Variants in DNMT3A observed in about 807,000 individuals in gnomAD.
DNMT3A encodes DNA methyltransferase 3 alpha, also known as DNA (cytosine-5)-methyltransferase 3A.
In DNMT3A, 267 loss-of-function variants were observed where a neutral mutation model predicts 117.6. The observed-to-expected ratio is 2.27, with a 90% CI of 2.05 to 2.51. The LOEUF (loss-of-function observed/expected upper bound fraction) is 2.51, where lower values mean the gene tolerates loss of function less well. DNMT3A is among the 30% of genes most tolerant of loss of function. The pLI is 0.00. For synonymous variants in DNMT3A, 432 were observed against 474.8 expected, an observed-to-expected ratio of 0.91 and a Z score of 1.17; for missense variants, 1,029 against 1,260.2, an observed-to-expected ratio of 0.82 and a Z score of 2.78.
At position 25,240,694 on chromosome 2, in the gene DNMT3A, C is replaced by A. The variant is rs1673915201; in HGVS notation, c.2119G>T (p.Gly707Cys). 1 of 1,614,176 alleles carries A rather than the reference C, an allele frequency of 6.2e-7. No homozygotes were observed. Among genetic ancestry groups the A allele is most frequent in the Non-Finnish European group, 8.5e-7 (1 of 1,180,014 alleles). The stretch of plus-strand genomic sequence containing the variant: ...ATGGAGAGGTCATTGCAGGGACTGC[C>A]CCCAATCACCAGATCGAATGGGCCC... ...EWGPFDLVIG[G>C]SPCNDLSIVN... Residue 707 changes from glycine (G) to cysteine (C), a missense_variant, in exon 18 of 23, where the codon GGC (glycine) becomes TGC (cysteine). Gly to Cys is a radical substitution (Grantham distance 159). Transcript: ENST00000321117.
Position 25,339,111 on chromosome 2 carries a change from C to G in DNMT3A, c.-178+2715G>C, listed in dbSNP as rs558212992. Among the ~76,000 whole-genome samples, 10 of 152,182 alleles carry G rather than the reference C, an allele frequency of 6.6e-5. No individual in the cohort carries two copies. The East Asian group carries it at 1.9e-3, about 29-fold the overall frequency. ...CTGGGCGCCCTGATCTCTCTCATATCTCCTTCTCCTTGGAAGCCTTCCCCT... is the reference window on the plus strand; with the variant it reads ...CTGGGCGCCCTGATCTCTCTCATATGTCCTTCTCCTTGGAAGCCTTCCCCT... On this transcript the variant is annotated intron_variant, in intron 1 of 22. Transcript: ENST00000321117. This position sits in a 1 kb window ranked among gnomAD's most constrained non-coding sequence, Gnocchi z 4.9.
rs1235529665 is a variant in DNMT3A at position 25,237,657 on chromosome 2, CG to C, written c.2409-653del. Among the ~76,000 whole-genome samples, 1 of 151,664 alleles carries C rather than the reference CG, an allele frequency of 6.6e-6. No homozygotes were observed. The highest frequency in any genetic ancestry group is 1.5e-5 in the Non-Finnish European group (1 of 67,940). On this transcript the variant is annotated intron_variant, in intron 20 of 22. Coordinates refer to ENST00000321117, the MANE Select transcript of DNMT3A (RefSeq NM_022552.5). This position sits in a 1 kb window ranked among gnomAD's most constrained non-coding sequence, Gnocchi z 5.4. ...GCAGGTGCCTGTAATCCCAGCTACT[CG>C]GGAGGCTGAGGCAGGAGAATCGCTT...
intron 6 of DNMT3A, among the ~76,000 whole-genome samples, chr2:25,255,257 G>C (rs1379251008): frequency 6.6e-6 from 1 of 152,202 alleles, no homozygotes; most frequent in African/African-American, 2.4e-5. Context: ...CTAAAATGGG[G>C]CAATCTTCAA....
At position 25,257,011 on chromosome 2, in the gene DNMT3A, C is replaced by T. The variant is rs1277973625; in HGVS notation, c.640-8759G>A. The stretch of plus-strand genomic sequence containing the variant: ...CCAAGTTCCAAGTTGGGGAATGGAT[C>T]CATTTCATAGCAGGAATTCTAATCG... On this transcript the variant is annotated intron_variant, in intron 6 of 22. Coordinates refer to ENST00000321117, the MANE Select transcript of DNMT3A (RefSeq NM_022552.5). The surrounding 1 kb of genome is among the most constrained non-coding windows in gnomAD (Gnocchi z 4.8). 2.6e-5 allele frequency among the ~76,000 whole-genome samples: 4 copies of T among 152,188 alleles called. No individual in the cohort carries two copies. Among genetic ancestry groups the T allele is most frequent in the Non-Finnish European group, 5.9e-5 (4 of 68,044 alleles).
At chr2:25,271,863 G>A (rs1304039415) in intron 6 of DNMT3A, among the ~76,000 whole-genome samples, 2 of 152,232 alleles carry the variant, frequency 1.3e-5, no homozygotes, top group African/African-American at 4.8e-5. Flanking sequence ...GGATGCAAAT[G>A]CCAAGGGTTG....
chr2:25,234,999 G>A lies in DNMT3A; in HGVS notation c.2598-579C>T, dbSNP rs1354379289. ...GAGAACAAGAAGGTCATCCAGCCCC[G>A]AAAGTCCCATTTGCATCAAATCAGG... On this transcript the variant is annotated intron_variant, in intron 22 of 22. Transcript: ENST00000321117. This position sits in a 1 kb window ranked among gnomAD's most constrained non-coding sequence, Gnocchi z 4.5. Among the ~76,000 whole-genome samples, 5 of 152,088 alleles carry A rather than the reference G, an allele frequency of 3.3e-5. No homozygotes were observed. The highest frequency in any genetic ancestry group is 7.2e-5 in the African/African-American group (3 of 41,398).
chr2:25,282,442 C>T lies in DNMT3A; in HGVS notation c.447G>A (p.Ala149=), dbSNP rs763553315. ...CTGCCCCTGGTGCTGAGGACTCACC[C>T]GCTTCTGCAGGGGCTCCTCGGCCCT... ...PKEGRGAPAE[A]GKEQKETNIE... Residue 149 remains alanine (A), a splice_region_variant and synonymous_variant, in exon 4 of 23, where the codon GCG becomes GCA. Transcript: ENST00000321117. The surrounding 1 kb of genome is among the most constrained non-coding windows in gnomAD (Gnocchi z 5.2). 38 of 1,612,074 alleles carry T rather than the reference C, an allele frequency of 2.4e-5. No homozygotes were observed. The highest frequency in any genetic ancestry group is 3.3e-5 in the Admixed American group (2 of 59,918).
chr2:25,275,457 C>T, intron 5 of DNMT3A, 43 bp downstream of exon 5: 1 of 1,555,970 alleles, frequency 6.4e-7, no homozygotes, highest in Non-Finnish European at 8.7e-7. Flanking sequence ...TGTCCTTCTT[C>T]TAGAATCAGG....
intron 1 of DNMT3A, among the ~76,000 whole-genome samples, chr2:25,340,459 G>A (rs2035373388): frequency 6.6e-6 from 1 of 152,102 alleles, no homozygotes; most frequent in Admixed American, 6.5e-5. Context: ...CCAGCGATGA[G>A]GGGCTGGGGG....
At chr2:25,300,672 GATATATATTTAGATATATATTTAT>G (rs1558722301) in intron 2 of DNMT3A, among the ~76,000 whole-genome samples, 51 of 23,608 alleles carry the variant, frequency 2.2e-3, no homozygotes, top group African/African-American at 7.6e-3. Flanking sequence ...ATATTATTTA[GATATATATTTAGATATATATTTAT>G]ATATCTAAAT....
chr2:25,308,883 A>T (rs996016349), intron 2 of DNMT3A, among the ~76,000 whole-genome samples: 3 of 151,898 alleles, frequency 2.0e-5, no homozygotes, highest in African/African-American at 7.2e-5. Context: ...GCCCACGAGA[A>T]ATCAGTGGCT....
chr2:25,281,578 C>CAA lies in DNMT3A; in HGVS notation c.448+862_448+863insTT, dbSNP rs2031889491. 9.4e-7 allele frequency: 1 copy of CAA among 1,063,452 alleles called. No individual in the cohort carries two copies. Among genetic ancestry groups the CAA allele is most frequent in the Non-Finnish European group, 1.1e-6 (1 of 878,146 alleles). 65.9% of individuals were successfully genotyped at this position (1,063,452 alleles called of 1,614,324 possible). A position where few individuals can be genotyped will look rare whatever the true frequency, so the allele number is the denominator to read the frequency against. On this transcript the variant is annotated intron_variant, in intron 4 of 22. Coordinates refer to ENST00000321117, the MANE Select transcript of DNMT3A (RefSeq NM_022552.5). This position sits in a 1 kb window ranked among gnomAD's most constrained non-coding sequence, Gnocchi z 4.8. The stretch of plus-strand genomic sequence containing the variant: ...TCATCATACACGCTTGGAAGGAAGA[C>CAA]TTTTTGAAATTAAAATGCACATATG...
chr2:25,262,172 G>A (rs901631117), intron 6 of DNMT3A, among the ~76,000 whole-genome samples: 2 of 130,854 alleles, frequency 1.5e-5, no homozygotes, highest in Admixed American at 1.8e-4. Context: ...CCTGGCGAGA[G>A]AGCAAGACTC....
At chr2:25,332,140 C>T (rs2035036299) in intron 1 of DNMT3A, among the ~76,000 whole-genome samples, 2 of 152,206 alleles carry the variant, frequency 1.3e-5, no homozygotes, top group South Asian at 4.1e-4. Context: ...CTCTCGTCCT[C>T]GATGCCCTAG....
chr2:25,270,288 C>T (rs935149945), intron 6 of DNMT3A, among the ~76,000 whole-genome samples: 2 of 152,190 alleles, frequency 1.3e-5, no homozygotes, highest in Non-Finnish European at 2.9e-5. Context: ...CCTGCTGATG[C>T]GTAGATGACC....
intron 1 of DNMT3A, chr2:25,314,749 C>G (rs527267166): frequency 1.0e-6 from 1 of 976,206 alleles, no homozygotes. Context: ...GCCACGGCCA[C>G]GGCCAAGGCC....
chr2:25,234,335 C>A lies in DNMT3A; in HGVS notation c.2683G>T (p.Val895Leu). 6.2e-7 allele frequency: 1 copy of A among 1,614,106 alleles called. No individual in the cohort carries two copies. The highest frequency in any genetic ancestry group is 8.5e-7 in the Non-Finnish European group (1 of 1,179,992). The change falls in exon 23 of 23, where the codon GTG becomes TTG. Residue 895 changes from valine to leucine, a missense_variant. Transcript: ENST00000321117. The surrounding 1 kb of genome is among the most constrained non-coding windows in gnomAD (Gnocchi z 4.5). ...RQRLLGRSWS[V>L]PVIRHLFAPL... ...GCGAAGAGGTGGCGGATGACTGGCACGCTCCATGACCGGCCCAGCAGTCTC... is the reference window on the plus strand; with the variant it reads ...GCGAAGAGGTGGCGGATGACTGGCAAGCTCCATGACCGGCCCAGCAGTCTC...
At chr2:25,340,837 C>T (rs2149457176) in intron 1 of DNMT3A, among the ~76,000 whole-genome samples, 1 of 144,916 alleles carries the variant, frequency 6.9e-6, no homozygotes, top group Non-Finnish European at 1.5e-5. Flanking sequence ...CTACTTCCAC[C>T]CCCGCGTTTT....
chr2:25,323,596 C>T (rs2034680332), intron 1 of DNMT3A, among the ~76,000 whole-genome samples: 1 of 152,164 alleles, frequency 6.6e-6, no homozygotes, highest in Non-Finnish European at 1.5e-5. Flanking sequence ...AAATGGAATG[C>T]CCTAAAAATG....
Sources: allele counts gnomAD v4.1 joint callset (sites outside exome capture counted in the v4.1 genomes callset), GRCh38; gene constraint gnomAD v4.1.1; non-coding constraint Gnocchi (gnomAD v3.1); transcripts MANE v1.5; gene names NCBI Gene and HGNC (gene_info 2026-07-23, HGNC 2026-07-21).